ATRN: variants seen among roughly 807,000 people sequenced by gnomAD.
ATRN encodes the protein attractin, also known as attractin-2.
In ATRN, 54 loss-of-function variants were observed where a neutral mutation model predicts 178.7. That is an observed-to-expected ratio of 0.30 (90% confidence interval 0.24 to 0.38). The LOEUF (loss-of-function observed/expected upper bound fraction) is 0.38, where lower values mean the gene tolerates loss of function less well. Among genes scored for constraint, ATRN ranks in the 10% least tolerant of loss-of-function variants. ATRN has a pLI of 1.00. For synonymous variants in ATRN, 636 were observed against 663.0 expected (o/e 0.96, Z 0.63); for missense variants, 1,443 against 1,815.1 (o/e 0.79, Z 3.73).
In ATRN at chr20:3,572,718, T is replaced by A. The variant is rs758088095; in HGVS notation, c.1872-13T>A. On this transcript the variant is annotated splice_polypyrimidine_tract_variant and intron_variant, in intron 11 of 28. Transcript: ENST00000262919. ...GTCTCTAGTAAATTTCTTCTCTCCC[T>A]TTTTCCTCTTAGCACCATGTATGTG... is the stretch of plus-strand genomic sequence containing the variant. 6.2e-7 allele frequency: 1 copy of A among 1,601,230 alleles called. No individual in the cohort carries two copies. The highest frequency in any genetic ancestry group is 8.5e-7 in the Non-Finnish European group (1 of 1,171,350).
chr20:3,614,585 A>T (rs2086815456), intron 24 of ATRN, among the ~76,000 whole-genome samples: 1 of 152,174 alleles, frequency 6.6e-6, no homozygotes, highest in Non-Finnish European at 1.5e-5. Flanking sequence ...TGAGCAAGGG[A>T]TGTGTGAAAC....
rs2595582 is a variant in ATRN at position 3,649,460 on chromosome 20, G to A, written c.*2613G>A. The stretch of plus-strand genomic sequence containing the variant: ...GATATCCAGGTTCTCGCCAGGCCCC[G>A]ATACATGAATAACAAACCCAAGAAA... On this transcript the variant is annotated 3_prime_UTR_variant, in exon 29 of 29. Transcript: ENST00000262919. 0.44 allele frequency: 66,829 copies of A among 152,188 alleles called. 15,587 individuals are homozygous for A. The highest frequency in any genetic ancestry group is 0.6 in the African/African-American group (24,725 of 41,448). The allele number at this position is 152,188 out of a possible 1,614,324, so 9.4% of individuals were successfully genotyped here.
intron 25 of ATRN, among the ~76,000 whole-genome samples, chr20:3,631,797 A>G (rs1244935897): frequency 6.6e-6 from 1 of 152,182 alleles, no homozygotes; most frequent in Non-Finnish European, 1.5e-5. Context: ...CGTTGGCTTC[A>G]TGCTCTTCCT....
chr20:3,536,739 C>A (rs868174293), intron 2 of ATRN, among the ~76,000 whole-genome samples: 17 of 152,268 alleles, frequency 1.1e-4, no homozygotes, highest in Middle Eastern at 3.4e-3. Context: ...ATTGTCATAT[C>A]TTCTGCATTC....
chr20:3,591,632 G>C (rs1241984112), intron 19 of ATRN, among the ~76,000 whole-genome samples: 1 of 152,142 alleles, frequency 6.6e-6, no homozygotes, highest in African/African-American at 2.4e-5. Flanking sequence ...ATAGTCAGAG[G>C]GATCAGCTCA....
intron 6 of ATRN, among the ~76,000 whole-genome samples, chr20:3,553,885 G>A (rs1207880612): frequency 2.0e-5 from 3 of 152,186 alleles, no homozygotes; most frequent in Admixed American, 1.3e-4. Flanking sequence ...TTTCTTTATG[G>A]CAGTGTTAGT....
chr20:3,578,141 A>G lies in ATRN; in HGVS notation c.2354-441A>G, dbSNP rs117599155. Among the ~76,000 whole-genome samples, 21 of 152,350 alleles carry G rather than the reference A, an allele frequency of 1.4e-4. No homozygotes were observed. The East Asian group carries it at 3.9e-3, about 28-fold the overall frequency. ...TTGATTGTACCTTCCACCTGATGATATGAAAACAGTGCAGCTTTTGGAGAC... is the reference window on the plus strand; with the variant it reads ...TTGATTGTACCTTCCACCTGATGATGTGAAAACAGTGCAGCTTTTGGAGAC... On this transcript the variant is annotated intron_variant, in intron 14 of 28. Transcript: ENST00000262919.
chr20:3,607,859 C>G (rs1238042709), intron 24 of ATRN, among the ~76,000 whole-genome samples: 1 of 152,166 alleles, frequency 6.6e-6, no homozygotes, highest in Non-Finnish European at 1.5e-5. Flanking sequence ...TATCGTCTTT[C>G]TCTGTATCCT....
intron 1 of ATRN, among the ~76,000 whole-genome samples, chr20:3,526,989 C>T (rs6051921): frequency 3.3e-5 from 5 of 152,174 alleles, no homozygotes; most frequent in East Asian, 1.9e-4. Context: ...AGAAGAAAAC[C>T]TAGGCAATAC....
intron 1 of ATRN, 27 bp downstream of exon 1, chr20:3,471,544 C>T: frequency 1.5e-6 from 2 of 1,375,846 alleles, no homozygotes; most frequent in South Asian, 1.7e-5. Flanking sequence ...GTCGGAGGGT[C>T]GGGTCCAACC....
chr20:3,621,863 G>GA (rs11087593), intron 24 of ATRN, among the ~76,000 whole-genome samples: 79,086 of 151,246 alleles, frequency 0.52, 22,757 homozygotes, highest in East Asian at 0.97. Context: ...GTTCATAAAA[G>GA]AAAAAAAAAT....
intron 1 of ATRN, among the ~76,000 whole-genome samples, chr20:3,516,541 G>A (rs1338835216): frequency 1.3e-5 from 2 of 152,116 alleles, no homozygotes; most frequent in South Asian, 2.1e-4. Context: ...AGTAAAATAA[G>A]TAGTTGGGAT....
intron 1 of ATRN, among the ~76,000 whole-genome samples, chr20:3,505,223 T>G (rs1264868069): frequency 1.3e-5 from 2 of 152,188 alleles, no homozygotes; most frequent in Non-Finnish European, 2.9e-5. Context: ...CAAATCTCAT[T>G]TCTCTTCTGG....
At chr20:3,564,847 C>G (rs1195164149) in intron 10 of ATRN, among the ~76,000 whole-genome samples, 1 of 152,058 alleles carries the variant, frequency 6.6e-6, no homozygotes, top group African/African-American at 2.4e-5. Context: ...GGGCAGATCA[C>G]GAGGTCAGGA....
chr20:3,582,155 A>G lies in ATRN; in HGVS notation c.2565A>G (p.Pro855=), dbSNP rs144551793. 6.2e-6 allele frequency: 10 copies of G among 1,614,156 alleles called. No individual in the cohort carries two copies. The East Asian group carries it at 1.1e-4, about 18-fold the overall frequency. The stretch of plus-strand genomic sequence containing the variant: ...TTTAGTCCAAGCTCACCTTAACCCC[A>G]TGGGTCGGCCTTCGGAAGATCAATG... ...SQSMSKLTLT[P]WVGLRKINVS... The change falls in exon 16 of 29, where the codon CCA becomes CCG. Residue 855 remains proline, a synonymous_variant. Transcript: ENST00000262919.
chr20:3,611,255 A>G (rs1163508353), intron 24 of ATRN, among the ~76,000 whole-genome samples: 1 of 152,198 alleles, frequency 6.6e-6, no homozygotes, highest in East Asian at 1.9e-4. Flanking sequence ...AAGGCAAGCT[A>G]TGGACTGGGA....
chr20:3,478,456 A>T (rs908373381), intron 1 of ATRN, among the ~76,000 whole-genome samples: 1 of 152,168 alleles, frequency 6.6e-6, no homozygotes, highest in Non-Finnish European at 1.5e-5. Flanking sequence ...AAACTAACAC[A>T]GGAACAGAAA....
At chr20:3,595,115 T>C (rs2086508308) in intron 20 of ATRN, among the ~76,000 whole-genome samples, 1 of 152,164 alleles carries the variant, frequency 6.6e-6, no homozygotes, top group Non-Finnish European at 1.5e-5. Flanking sequence ...ATGTTTAAGG[T>C]TTCAGACCTG....
intron 11 of ATRN, among the ~76,000 whole-genome samples, chr20:3,569,291 G>C (rs6139152): frequency 1.3e-5 from 2 of 152,116 alleles, no homozygotes; most frequent in Admixed American, 6.5e-5. Flanking sequence ...TACACATCTA[G>C]GCTATATGGT....
Sources: allele counts gnomAD v4.1 joint callset (sites outside exome capture counted in the v4.1 genomes callset), GRCh38; gene constraint gnomAD v4.1.1; transcripts MANE v1.5; gene names NCBI Gene and HGNC (gene_info 2026-07-23, HGNC 2026-07-21).